Variants in UMAD1 observed in about 807,000 individuals in gnomAD.
UMAD1 encodes the protein UBAP1-MVB12-associated (UMA)-domain containing protein 1.
In UMAD1, 8 loss-of-function variants were observed where a neutral mutation model predicts 6.1. The observed-to-expected ratio is 1.30, with a 90% CI of 0.76 to 2.35. UMAD1 has a LOEUF of 2.35. Ranked by LOEUF, UMAD1 falls within the 30% of genes most tolerant of loss-of-function variation. The probability of loss-of-function intolerance (pLI) is 0.00; values close to 1 mark genes in which losing one functional copy is unlikely to be tolerated. For missense variants in UMAD1, 130 were observed against 78.4 expected (o/e 1.66, Z -2.49); for synonymous variants, 56 against 31.4 (o/e 1.78, Z -2.61).
chr7:7,831,068 T>C (rs1332543289), intron 3 of UMAD1, among the ~76,000 whole-genome samples: 5 of 152,142 alleles, frequency 3.3e-5, no homozygotes, highest in African/African-American at 1.2e-4. Context: ...TACTTATGCA[T>C]TTATAAGGAA....
At chr7:7,729,685 G>A (rs1215603535) in intron 2 of UMAD1, among the ~76,000 whole-genome samples, 2 of 152,104 alleles carry the variant, frequency 1.3e-5, no homozygotes, top group Non-Finnish European at 2.9e-5. Context: ...CTAAAATTCA[G>A]GATGCCCTGG....
chr7:7,789,545 C>T (rs930921170), intron 2 of UMAD1, among the ~76,000 whole-genome samples: 3 of 151,794 alleles, frequency 2.0e-5, no homozygotes, highest in Non-Finnish European at 4.4e-5. Context: ...GTGGTAAGTA[C>T]ATTCTCATTG....
intron 1 of UMAD1, among the ~76,000 whole-genome samples, chr7:7,656,739 C>G (rs1785352958): frequency 6.6e-6 from 1 of 152,044 alleles, no homozygotes; most frequent in Admixed American, 6.6e-5. Flanking sequence ...GGTTTGGTTC[C>G]AAGTCTGCTG....
intron 3 of UMAD1, among the ~76,000 whole-genome samples, chr7:7,804,128 A>G (rs1268997671): frequency 6.6e-6 from 1 of 152,194 alleles, no homozygotes; most frequent in Non-Finnish European, 1.5e-5. Flanking sequence ...GATGTTTCAA[A>G]AGTGCCTTCT....
In UMAD1 at chr7:7,865,871, C is replaced by G. The variant is rs550832830; in HGVS notation, c.157-11410C>G. ...AGGCTAGCTCAGTGAGAAGATGGGTCTGTAGGAAAAATCTTTCCCCAACAA... is the reference window on the plus strand; with the variant it reads ...AGGCTAGCTCAGTGAGAAGATGGGTGTGTAGGAAAAATCTTTCCCCAACAA... On this transcript the variant is annotated intron_variant, in intron 3 of 3. Coordinates refer to ENST00000682710, the MANE Select transcript of UMAD1 (RefSeq NM_001302348.2). 7.2e-5 allele frequency among the ~76,000 whole-genome samples: 11 copies of G among 152,288 alleles called. No individual in the cohort carries two copies. In the East Asian group the frequency reaches 1.9e-3, roughly 27 times the overall value.
intron 2 of UMAD1, among the ~76,000 whole-genome samples, chr7:7,785,519 AG>A (rs1427623377): frequency 6.6e-6 from 1 of 152,206 alleles, no homozygotes; most frequent in African/African-American, 2.4e-5. Flanking sequence ...TAAGCACAAT[AG>A]GGGCCATAAA....
At chr7:7,746,336 T>C (rs1384774490) in intron 2 of UMAD1, among the ~76,000 whole-genome samples, 1 of 152,182 alleles carries the variant, frequency 6.6e-6, no homozygotes, top group East Asian at 1.9e-4. Flanking sequence ...GAAAATGATA[T>C]AGTTAATTAA....
At chr7:7,660,357 G>A (rs1785444293) in intron 1 of UMAD1, among the ~76,000 whole-genome samples, 1 of 152,152 alleles carries the variant, frequency 6.6e-6, no homozygotes, top group Non-Finnish European at 1.5e-5. Context: ...ATGCCAGCTG[G>A]TTATTTTTCC....
At chr7:7,658,030 C>T (rs545276123) in intron 1 of UMAD1, among the ~76,000 whole-genome samples, 2 of 152,232 alleles carry the variant, frequency 1.3e-5, no homozygotes, top group African/African-American at 4.8e-5. Context: ...TCCTTCATGT[C>T]CCTTGTAAGT....
chr7:7,790,452 G>A (rs889523045), intron 2 of UMAD1, among the ~76,000 whole-genome samples: 3 of 152,200 alleles, frequency 2.0e-5, no homozygotes, highest in Non-Finnish European at 4.4e-5. Context: ...CATAAATGTA[G>A]TAAAGGAGGG....
chr7:7,733,831 C>T (rs1284668049), intron 2 of UMAD1, among the ~76,000 whole-genome samples: 2 of 151,574 alleles, frequency 1.3e-5, no homozygotes, highest in African/African-American at 2.4e-5. Context: ...AGACAGATTT[C>T]CCACATATTT....
At chr7:7,705,185 A>T (rs1432937712) in intron 2 of UMAD1, among the ~76,000 whole-genome samples, 1 of 152,196 alleles carries the variant, frequency 6.6e-6, no homozygotes, top group Non-Finnish European at 1.5e-5. Flanking sequence ...TCTTGTTGAC[A>T]TGCATGGAAT....
At chr7:7,749,616 G>C (rs2115217357) in intron 2 of UMAD1, among the ~76,000 whole-genome samples, 1 of 152,228 alleles carries the variant, frequency 6.6e-6, no homozygotes, top group South Asian at 2.1e-4. Flanking sequence ...CTCTTGGCAT[G>C]CTTAGGAGGG....
rs187190728 is a variant in UMAD1 at position 7,752,172 on chromosome 7, G to T, written c.83-49498G>T. On this transcript the variant is annotated intron_variant, in intron 2 of 3. Transcript: ENST00000682710. ...ACAAAGATGAATGATGAAATAAGTAGAAATTATTTGATATCAAAAAGCATG... is the reference window on the plus strand; with the variant it reads ...ACAAAGATGAATGATGAAATAAGTATAAATTATTTGATATCAAAAAGCATG... Among the ~76,000 whole-genome samples the T allele has an allele frequency of 8.5e-4, 130 of 152,200 alleles. 2 individuals are homozygous for T. The highest frequency in any genetic ancestry group is 3.0e-3 in the African/African-American group (125 of 41,546).
At chr7:7,859,087 T>C (rs1165870458) in intron 3 of UMAD1, among the ~76,000 whole-genome samples, 1 of 152,214 alleles carries the variant, frequency 6.6e-6, no homozygotes, top group African/African-American at 2.4e-5. Flanking sequence ...TAAATTGCCT[T>C]TTCAAGCACT....
At chr7:7,833,920 T>C (rs1039686267) in intron 3 of UMAD1, among the ~76,000 whole-genome samples, 1 of 152,100 alleles carries the variant, frequency 6.6e-6, no homozygotes, top group African/African-American at 2.4e-5. Context: ...CAAGCACTGG[T>C]TTCCAAGGAG....
chr7:7,869,864 A>G (rs549114578), intron 3 of UMAD1, among the ~76,000 whole-genome samples: 1 of 152,314 alleles, frequency 6.6e-6, no homozygotes, highest in Non-Finnish European at 1.5e-5. Context: ...CAAGGATGCC[A>G]CTAACCTTCT....
At chr7:7,860,995 A>G (rs537801352) in intron 3 of UMAD1, among the ~76,000 whole-genome samples, 1 of 152,296 alleles carries the variant, frequency 6.6e-6, no homozygotes, top group South Asian at 2.1e-4. Flanking sequence ...AAATGACCAG[A>G]CACAAAAGGA....
chr7:7,868,913 C>G (rs964045124), intron 3 of UMAD1, among the ~76,000 whole-genome samples: 1 of 152,096 alleles, frequency 6.6e-6, no homozygotes, highest in Non-Finnish European at 1.5e-5. Context: ...AGATCTAGTG[C>G]CATTCAAAAA....
Sources: gnomAD v4.1 joint callset for allele counts (sites outside exome capture counted in the v4.1 genomes callset) on GRCh38, gnomAD v4.1.1 for gene constraint, MANE v1.5 for transcripts, NCBI Gene and HGNC (gene_info 2026-07-23, HGNC 2026-07-21) for gene names.